MMEL1: variants seen among roughly 807,000 people sequenced by gnomAD.
MMEL1 encodes the protein membrane metallo-endopeptidase-like 1.
A neutral mutation model predicts 117.1 loss-of-function variants in MMEL1; 98 were observed. That is an observed-to-expected ratio of 0.84 (90% CI 0.71 to 0.99). MMEL1 has a LOEUF of 0.99. MMEL1 is among the 50% of genes least tolerant of loss of function. MMEL1 has a pLI of 0.00. For missense variants in MMEL1, 1,014 were observed against 1,049.1 expected, an observed-to-expected ratio of 0.97 and a Z score of 0.46; for synonymous variants, 390 against 415.1, an observed-to-expected ratio of 0.94 and a Z score of 0.74.
chr1:2,598,346 T>A, intron 12 of MMEL1, 46 bp from the exon 13 acceptor site: 1 of 1,580,724 alleles, frequency 6.3e-7, no homozygotes, highest in South Asian at 1.1e-5. Context: ...GTGAGAGGTC[T>A]TTGCAAGGGA....
chr1:2,601,591 C>T (rs971961391), intron 11 of MMEL1, among the ~76,000 whole-genome samples: 3 of 152,160 alleles, frequency 2.0e-5, no homozygotes, highest in East Asian at 1.9e-4. Flanking sequence ...TTAATAGCCT[C>T]CATTGAAACA....
chr1:2,624,280 C>G (rs1193780937), intron 2 of MMEL1, among the ~76,000 whole-genome samples: 4 of 152,218 alleles, frequency 2.6e-5, no homozygotes, highest in African/African-American at 9.7e-5. Flanking sequence ...AGAGAACCGT[C>G]TGGTCCCCGG....
chr1:2,591,609 C>G lies in MMEL1; in HGVS notation c.2188G>C (p.Glu730Gln), dbSNP rs763533171. The stretch of plus-strand genomic sequence containing the variant: ...GTCTTGATGGATTGGATGGCGAACT[C>G]GGGCCGGTAGGACCCGCACCACACC... ...AQVWCGSYRP[E>Q]FAIQSIKTDV... Residue 730 changes from glutamate (E) to glutamine (Q), a missense_variant, in exon 23 of 24, where the codon GAG becomes CAG. Transcript: ENST00000378412. 2.7e-6 allele frequency: 4 copies of G among 1,471,102 alleles called. No homozygotes were observed. In the East Asian group the frequency reaches 1.2e-4, roughly 45 times the overall value. The allele number at this position is 1,471,102 out of a possible 1,614,324, so 91.1% of individuals were successfully genotyped here. A position where few individuals can be genotyped will look rare whatever the true frequency, so the allele number is the denominator to read the frequency against.
intron 6 of MMEL1, among the ~76,000 whole-genome samples, chr1:2,608,942 C>T (rs1645079128): frequency 6.6e-6 from 1 of 151,816 alleles, no homozygotes; most frequent in Non-Finnish European, 1.5e-5. Context: ...CATATACATA[C>T]ACAATATACA....
At chr1:2,619,073 T>G (rs1645250042) in intron 2 of MMEL1, among the ~76,000 whole-genome samples, 1 of 152,188 alleles carries the variant, frequency 6.6e-6, no homozygotes, top group Non-Finnish European at 1.5e-5. Context: ...AGGGTTCCAG[T>G]TCTGAGCCTG....
chr1:2,622,610 C>T (rs533582119), intron 2 of MMEL1, among the ~76,000 whole-genome samples: 8 of 152,160 alleles, frequency 5.3e-5, no homozygotes, highest in African/African-American at 1.4e-4. Flanking sequence ...CTTGGCCGGG[C>T]GCGGTGGCTC....
intron 1 of MMEL1, 90 bp from the exon 2 acceptor site, chr1:2,629,611 C>A: frequency 8.2e-7 from 1 of 1,214,802 alleles, no homozygotes. Flanking sequence ...TGGCTGGGAG[C>A]GGGCGCTGGG....
intron 2 of MMEL1, among the ~76,000 whole-genome samples, chr1:2,617,028 G>A (rs1252636478): frequency 6.6e-6 from 1 of 152,204 alleles, no homozygotes; most frequent in Non-Finnish European, 1.5e-5. Flanking sequence ...AACTTACAGT[G>A]CCTCACTTAA....
Position 2,606,299 on chromosome 1 carries a change from G to C in MMEL1, c.699C>G (p.Ile233Met), listed in dbSNP as rs781404046. Reference sequence around the variant, plus strand: ...GGTCGTCGTTCCAGATGAAGAGGTCGATGAGGACGCGCCTGTTGAACTGTG... The same window carrying C: ...GGTCGTCGTTCCAGATGAAGAGGTCCATGAGGACGCGCCTGTTGAACTGTG... ...MNSQFNRRVL[I>M]DLFIWNDDQN... is the part of the protein sequence containing the mutation. The change falls in exon 8 of 24, where the codon ATC (isoleucine) becomes ATG (methionine). Residue 233 changes from isoleucine (I) to methionine (M), a missense_variant. By Grantham distance (10) the Ile-to-Met change is conservative. Coordinates refer to ENST00000378412, the MANE Select transcript of MMEL1 (RefSeq NM_033467.4). 26 of 1,613,142 alleles carry C rather than the reference G, an allele frequency of 1.6e-5. 1 individual carries two copies. The South Asian group carries it at 2.9e-4, about 18-fold the overall frequency.
intron 2 of MMEL1, among the ~76,000 whole-genome samples, chr1:2,619,430 G>A (rs1273628912): frequency 6.6e-6 from 1 of 152,104 alleles, no homozygotes; most frequent in Non-Finnish European, 1.5e-5. Flanking sequence ...GGCCAAGGTG[G>A]GCAGATCACT....
At position 2,590,910 on chromosome 1, in the gene MMEL1, G is replaced by T; in HGVS notation, c.*80C>A. 1.8e-6 allele frequency: 2 copies of T among 1,141,656 alleles called. No individual in the cohort carries two copies. The highest frequency in any genetic ancestry group is 1.6e-5 in the African/African-American group (1 of 61,690). 70.7% of individuals were successfully genotyped at this position (1,141,656 alleles called of 1,614,324 possible). A position where few individuals can be genotyped will look rare whatever the true frequency, so the allele number is the denominator to read the frequency against. Reference sequence around the variant, plus strand: ...GTTGGCCGGGGCGGGACGTACACTGGGTCGCCGCTAGCTGCACCTTCGCAC... The same window carrying T: ...GTTGGCCGGGGCGGGACGTACACTGTGTCGCCGCTAGCTGCACCTTCGCAC... On this transcript the variant is annotated 3_prime_UTR_variant, in exon 24 of 24. Transcript: ENST00000378412.
At chr1:2,610,013 C>T (rs895374838) in intron 4 of MMEL1, among the ~76,000 whole-genome samples, 182 bp from the exon 5 acceptor site, 5 of 152,138 alleles carry the variant, frequency 3.3e-5, no homozygotes, top group Non-Finnish European at 7.4e-5. Flanking sequence ...GAGAGGGAAT[C>T]CCCCAACCTG....
intron 19 of MMEL1, 26 bp downstream of exon 19, chr1:2,593,788 G>T (rs1232262367): frequency 3.2e-6 from 5 of 1,580,960 alleles, no homozygotes; most frequent in Non-Finnish European, 4.3e-6. Context: ...GGGAGGGCGT[G>T]TGTGATTGGA....
intron 2 of MMEL1, 146 bp downstream of exon 2, chr1:2,629,185 G>C: frequency 1.2e-6 from 1 of 828,424 alleles, no homozygotes; most frequent in Non-Finnish European, 1.7e-6. Context: ...TCGGCCCCGG[G>C]AGCCCCTGGG....
Position 2,598,216 on chromosome 1 carries a change from G to T in MMEL1, c.1263C>A (p.Asn421Lys). The change falls in exon 13 of 24, where the codon AAC becomes AAA. Residue 421 changes from asparagine (N) to lysine (K), a missense_variant. Coordinates refer to ENST00000378412, the MANE Select transcript of MMEL1 (RefSeq NM_033467.4). ...CAGGGAAGGGGCTCACCTTGCGGTA[G>T]TTCACTCGTGTGTCCTTGAATCTCT... Reference protein sequence around the residue: ...LSQRFKDTRVNYRKALFGTMV... With the variant: ...LSQRFKDTRVKYRKALFGTMV... 6.2e-7 allele frequency: 1 copy of T among 1,613,978 alleles called. No homozygotes were observed. Among genetic ancestry groups the T allele is most frequent in the Non-Finnish European group, 8.5e-7 (1 of 1,179,912 alleles).
In MMEL1 at chr1:2,611,268, G is replaced by T; in HGVS notation, c.292+13C>A. On this transcript the variant is annotated intron_variant, in intron 4 of 23. Coordinates refer to ENST00000378412, the MANE Select transcript of MMEL1 (RefSeq NM_033467.4). The stretch of plus-strand genomic sequence containing the variant: ...CTTGGGCAGGCTGTGGACGGCAAGG[G>T]GGCGGGGCTTACCTGCTATCACGCA... 6.3e-7 allele frequency: 1 copy of T among 1,575,594 alleles called. No homozygotes were observed. The highest frequency in any genetic ancestry group is 8.6e-7 in the Non-Finnish European group (1 of 1,162,434).
At position 2,606,896 on chromosome 1, in the gene MMEL1, G is replaced by A. The variant is rs543106966; in HGVS notation, c.631+78C>T. 39 of 1,344,240 alleles carry A rather than the reference G, an allele frequency of 2.9e-5. No homozygotes were observed. The African/African-American group carries it at 5.2e-4, about 18-fold the overall frequency. The allele number at this position is 1,344,240 out of a possible 1,614,324, so 83.3% of individuals were successfully genotyped here. A position where few individuals can be genotyped will look rare whatever the true frequency, so the allele number is the denominator to read the frequency against. On this transcript the variant is annotated intron_variant, in intron 7 of 23. Coordinates refer to ENST00000378412, the MANE Select transcript of MMEL1 (RefSeq NM_033467.4). ...GGGGTGGGGGTGGGGTCCCCTCCTG[G>A]AAGGCCTCAGACCGAAGGAGCCCTG...
chr1:2,631,192 C>T (rs1638563912), intron 1 of MMEL1, among the ~76,000 whole-genome samples: 1 of 152,172 alleles, frequency 6.6e-6, no homozygotes, highest in Non-Finnish European at 1.5e-5. Flanking sequence ...CGGCTGGGTG[C>T]TTTGGCCTTC....
intron 2 of MMEL1, 52 bp downstream of exon 2, chr1:2,629,279 G>A: frequency 1.3e-6 from 2 of 1,494,296 alleles, no homozygotes; most frequent in Non-Finnish European, 8.9e-7. Flanking sequence ...GCAGCGGGGC[G>A]AGCGCGGAGA....
Sources: allele counts gnomAD v4.1 joint callset (sites outside exome capture counted in the v4.1 genomes callset), GRCh38; gene constraint gnomAD v4.1.1; transcripts MANE v1.5; gene names NCBI Gene and HGNC (gene_info 2026-07-23, HGNC 2026-07-21).